SLC4A4: variants seen among roughly 807,000 people sequenced by gnomAD.
SLC4A4 encodes electrogenic sodium bicarbonate cotransporter 1.
Under a neutral mutation model 111.5 loss-of-function variants are expected in SLC4A4, and 27 were observed. The observed-to-expected ratio is 0.24, with a 90% CI of 0.18 to 0.33. The LOEUF (loss-of-function observed/expected upper bound fraction) is 0.33, where lower values mean the gene tolerates loss of function less well. Among genes scored for constraint, SLC4A4 ranks in the 10% least tolerant of loss-of-function variants. The pLI, the probability that SLC4A4 is intolerant of heterozygous loss-of-function variation, is 1.00. For missense variants in SLC4A4, 909 were observed against 1,315.5 expected (o/e 0.69, Z 4.78); for synonymous variants, 443 against 463.4 (o/e 0.96, Z 0.57).
intron 3 of SLC4A4, among the ~76,000 whole-genome samples, chr4:71,281,055 T>G (rs534483382): frequency 6.6e-6 from 1 of 152,302 alleles, no homozygotes; most frequent in South Asian, 2.1e-4. Flanking sequence ...GCTGAATCTT[T>G]ACATAAGTGA....
At chr4:71,163,614 G>T (rs184733841) in intron 2 of SLC4A4, among the ~76,000 whole-genome samples, 1 of 152,304 alleles carries the variant, frequency 6.6e-6, no homozygotes, top group East Asian at 1.9e-4. Flanking sequence ...AGACCTAAAA[G>T]ATATTTTCAT....
At chr4:71,396,471 T>C (rs1415213336) in intron 6 of SLC4A4, among the ~76,000 whole-genome samples, 1 of 152,204 alleles carries the variant, frequency 6.6e-6, no homozygotes, top group Admixed American at 6.5e-5. Flanking sequence ...TAAAGAATTA[T>C]TTGGAAGCAA....
At chr4:71,561,792 A>T (rs1737001900) in intron 23 of SLC4A4, among the ~76,000 whole-genome samples, 1 of 151,812 alleles carries the variant, frequency 6.6e-6, no homozygotes, top group Admixed American at 6.6e-5. Flanking sequence ...TTTCTGGACC[A>T]CTCAAGACCA....
At chr4:71,268,205 G>A (rs1366217692) in intron 3 of SLC4A4, among the ~76,000 whole-genome samples, 1 of 149,618 alleles carries the variant, frequency 6.7e-6, no homozygotes. Flanking sequence ...TACTCCACTG[G>A]CAGCCAAGAT....
chr4:71,205,220 C>A (rs1717677315), intron 1 of SLC4A4, among the ~76,000 whole-genome samples: 1 of 152,112 alleles, frequency 6.6e-6, no homozygotes, highest in African/African-American at 2.4e-5. Context: ...GCTTCTCAAC[C>A]TTTGAAATAG....
At chr4:71,395,128 C>G (rs1176366082) in intron 6 of SLC4A4, among the ~76,000 whole-genome samples, 2 of 152,110 alleles carry the variant, frequency 1.3e-5, no homozygotes, top group Non-Finnish European at 2.9e-5. Context: ...GCCTTTCTAA[C>G]AAGCGTACAG....
At chr4:71,449,203 A>T (rs1313416549) in intron 9 of SLC4A4, among the ~76,000 whole-genome samples, 1 of 152,188 alleles carries the variant, frequency 6.6e-6, no homozygotes, top group African/African-American at 2.4e-5. Context: ...TCAGTATGGT[A>T]AAACGACATT....
intron 6 of SLC4A4, among the ~76,000 whole-genome samples, chr4:71,377,334 T>C: frequency 6.6e-6 from 1 of 152,236 alleles, no homozygotes; most frequent in East Asian, 1.9e-4. Flanking sequence ...AGTGTGGTGG[T>C]AATAATTGAA....
intron 2 of SLC4A4, among the ~76,000 whole-genome samples, chr4:71,146,713 T>C (rs1744182034): frequency 1.3e-5 from 2 of 152,118 alleles, no homozygotes; most frequent in African/African-American, 4.8e-5. Flanking sequence ...CCACCAGGCC[T>C]GCCCTAAAAG....
chr4:71,349,112 T>C (rs1051533679), intron 4 of SLC4A4, among the ~76,000 whole-genome samples: 1 of 152,184 alleles, frequency 6.6e-6, no homozygotes, highest in Admixed American at 6.5e-5. Flanking sequence ...CTCATTTCCA[T>C]TAAGGTTTTT....
At position 71,517,562 on chromosome 4, in the gene SLC4A4, G is replaced by A. The variant is rs184893874; in HGVS notation, c.2167-14500G>A. Among the ~76,000 whole-genome samples, 56 of 151,676 alleles carry A rather than the reference G, an allele frequency of 3.7e-4. 1 individual carries two copies. The highest frequency in any genetic ancestry group is 2.7e-3 in the East Asian group (14 of 5,150). Reference sequence around the variant, plus strand: ...TCCTGTCTTTTTAGAAAGTTTGCTGGGCTTCCTTAAAATAATTATTTTGAA... The same window carrying A: ...TCCTGTCTTTTTAGAAAGTTTGCTGAGCTTCCTTAAAATAATTATTTTGAA... On this transcript the variant is annotated intron_variant, in intron 16 of 25. Coordinates refer to ENST00000264485, the MANE Select transcript of SLC4A4 (RefSeq NM_001098484.3).
chr4:71,395,749 A>G (rs529899394), intron 6 of SLC4A4, among the ~76,000 whole-genome samples: 2 of 152,320 alleles, frequency 1.3e-5, no homozygotes, highest in African/African-American at 4.8e-5. Context: ...TGGCTAGGAA[A>G]TTTAAATTAC....
intron 7 of SLC4A4, among the ~76,000 whole-genome samples, chr4:71,409,576 G>A (rs1721174369): frequency 6.6e-6 from 1 of 152,224 alleles, no homozygotes; most frequent in South Asian, 2.1e-4. Context: ...CTTGGGTGCT[G>A]TTAAAAGCAT....
At chr4:71,255,089 T>C (rs1721344936) in intron 2 of SLC4A4, 131 bp from the exon 3 acceptor site, 1 of 938,208 alleles carries the variant, frequency 1.1e-6, no homozygotes, top group South Asian at 1.4e-5. Flanking sequence ...TTTATTTTTC[T>C]AGAGTTTGCC....
intron 16 of SLC4A4, among the ~76,000 whole-genome samples, chr4:71,517,164 T>C (rs1310369245): frequency 6.6e-6 from 1 of 152,190 alleles, no homozygotes; most frequent in Non-Finnish European, 1.5e-5. Context: ...TCTGCTATTA[T>C]TTCTTTAAAT....
At chr4:71,195,482 C>CT (rs1338116628) in intron 1 of SLC4A4, among the ~76,000 whole-genome samples, 1 of 152,010 alleles carries the variant, frequency 6.6e-6, no homozygotes, top group Admixed American at 6.6e-5. Context: ...TAGTAAACAG[C>CT]TTTTGTTTTC....
At chr4:71,419,364 T>A (rs972838573) in intron 7 of SLC4A4, among the ~76,000 whole-genome samples, 3 of 152,240 alleles carry the variant, frequency 2.0e-5, no homozygotes, top group Non-Finnish European at 2.9e-5. Flanking sequence ...GGAGCTTCCC[T>A]GCTGCTTTGT....
At chr4:71,558,961 A>G (rs907253759) in intron 22 of SLC4A4, among the ~76,000 whole-genome samples, 6 of 151,916 alleles carry the variant, frequency 3.9e-5, no homozygotes, top group African/African-American at 1.4e-4. Context: ...AATTTTGCTG[A>G]AACCAAGAAA....
chr4:71,430,587 G>T (rs561950638), intron 7 of SLC4A4, among the ~76,000 whole-genome samples: 1 of 152,216 alleles, frequency 6.6e-6, no homozygotes, highest in Admixed American at 6.5e-5. Context: ...CCCAAAAGGG[G>T]ATTTAGTGGC....
Sources: allele counts gnomAD v4.1 joint callset (sites outside exome capture counted in the v4.1 genomes callset), GRCh38; gene constraint gnomAD v4.1.1; transcripts MANE v1.5; gene names NCBI Gene and HGNC (gene_info 2026-07-23, HGNC 2026-07-21).